The following LIAS variants were observed in gnomAD, a reference collection of about 807,000 sequenced individuals.
LIAS encodes lipoic acid synthetase, also known as lipoyl synthase, mitochondrial.
In LIAS, 36 loss-of-function variants were observed where a neutral mutation model predicts 49.4. That is an observed-to-expected ratio of 0.73 (90% CI 0.56 to 0.96). LIAS has a LOEUF of 0.96. Ranked by LOEUF, LIAS falls within the 40% of genes least tolerant of loss-of-function variation. The probability of loss-of-function intolerance (pLI) is 0.00; values close to 1 mark genes in which losing one functional copy is unlikely to be tolerated. For missense variants in LIAS, 399 were observed against 456.3 expected (o/e 0.87, Z 1.14); for synonymous variants, 145 against 155.8 (o/e 0.93, Z 0.52).
At chr4:39,470,474 T>C (rs1744940260) in intron 8 of LIAS, 2 of 246,220 alleles carry the variant, frequency 8.1e-6, no homozygotes, top group Admixed American at 1.0e-4. Flanking sequence ...CTTTTCTCAT[T>C]CTATCATTGG....
intron 2 of LIAS, 79 bp from the exon 3 acceptor site, chr4:39,462,117 T>C: frequency 1.8e-6 from 1 of 547,674 alleles, no homozygotes; most frequent in Non-Finnish European, 3.2e-6. Flanking sequence ...GGAATTGTAA[T>C]AGAAGAAATT....
intron 6 of LIAS, chr4:39,466,780 T>TGTG (rs1322290936): frequency 2.0e-5 from 3 of 152,188 alleles, no homozygotes; most frequent in African/African-American, 7.2e-5. Context: ...AGGGTGTACA[T>TGTG]GTGGTCTTTT....
At chr4:39,467,764 T>C in intron 7 of LIAS, 118 bp downstream of exon 7, 1 of 1,094,008 alleles carries the variant, frequency 9.1e-7, no homozygotes, top group Non-Finnish European at 1.2e-6. Context: ...CTCTATTCTT[T>C]TTTGTTTTTT....
chr4:39,466,973 T>C (rs1037749294), intron 6 of LIAS: 2 of 152,198 alleles, frequency 1.3e-5, no homozygotes, highest in Non-Finnish European at 2.9e-5. Flanking sequence ...AATGTTTAGC[T>C]CGTACTTCGT....
chr4:39,472,106 TATATACACACACAC>T (rs924334807), intron 9 of LIAS, among the ~76,000 whole-genome samples: 12 of 145,372 alleles, frequency 8.3e-5, no homozygotes, highest in South Asian at 2.2e-4. Flanking sequence ...TGTATATCTG[TATATACACACACAC>T]ATATACACAC....
At chr4:39,463,662 G>A (rs776016726) in intron 4 of LIAS, 57 bp downstream of exon 4, 38 of 1,542,368 alleles carry the variant, frequency 2.5e-5, no homozygotes, top group Admixed American at 4.0e-5. Context: ...GGACTATTTT[G>A]TGTCTTCCTC....
chr4:39,468,391 G>A (rs953287821), intron 7 of LIAS: 1 of 151,236 alleles, frequency 6.6e-6, no homozygotes, highest in Admixed American at 6.6e-5. Flanking sequence ...AGCAGGAGAA[G>A]AATCACTTGA....
chr4:39,469,054 AT>A (rs1401500238), intron 7 of LIAS: 1 of 152,186 alleles, frequency 6.6e-6, no homozygotes, highest in Non-Finnish European at 1.5e-5. Context: ...AAAAATGAAC[AT>A]TTTAAGCTTC....
rs758801882 is a variant in LIAS, at chr4:39,467,684, G to A, written c.737+38G>A. 9 of 1,457,256 alleles carry A rather than the reference G, an allele frequency of 6.2e-6. No homozygotes were observed. The East Asian group carries it at 7.6e-5, about 12-fold the overall frequency. The allele number at this position is 1,457,256 out of a possible 1,614,324, so 90.3% of individuals were successfully genotyped here. On this transcript the variant is annotated intron_variant, in intron 7 of 10. Transcript: ENST00000640888. ...ACAAAGTAATGTTGGGAAGTTAGGC[G>A]GGTCAAAATATGCCATATATTCTTG...
chr4:39,468,347 A>G (rs1320706027), intron 7 of LIAS: 5 of 151,670 alleles, frequency 3.3e-5, no homozygotes, highest in African/African-American at 1.2e-4. Flanking sequence ...GCGTGGTGGC[A>G]CATGCCTGTA....
rs35086467 is a variant in LIAS, at chr4:39,465,159, A to G, written c.507A>G (p.Glu169=). 0.082 allele frequency: 132,538 copies of G among 1,614,172 alleles called. 6,308 individuals carry two copies. Among genetic ancestry groups the G allele is most frequent in the Non-Finnish European group, 0.095 (112,654 of 1,179,992 alleles). ...EPYNTAKAIA[E]WGLDYVVLTS... ...ACAATACTGCAAAGGCAATTGCAGAATGGGGTCTGGATTATGTTGTCCTGA... is the reference window on the plus strand; with the variant it reads ...ACAATACTGCAAAGGCAATTGCAGAGTGGGGTCTGGATTATGTTGTCCTGA... Residue 169 remains glutamate (E), a synonymous_variant, in exon 5 of 11, where the codon GAA becomes GAG. Coordinates refer to ENST00000640888, the MANE Select transcript of LIAS (RefSeq NM_006859.4).
intron 2 of LIAS, among the ~76,000 whole-genome samples, chr4:39,461,755 C>G (rs1428027605): frequency 6.6e-6 from 1 of 152,166 alleles, no homozygotes; most frequent in East Asian, 1.9e-4. Context: ...AGTGCAGTGG[C>G]ACAATCTTGG....
In LIAS at chr4:39,465,200, A is replaced by C; in HGVS notation, c.548A>C (p.Asp183Ala). The C allele has an allele frequency of 6.2e-7, 1 of 1,613,572 alleles. No homozygotes were observed. The highest frequency in any genetic ancestry group is 8.5e-7 in the Non-Finnish European group (1 of 1,179,580). ...GTTGTCCTGACATCTGTGGATCGAG[A>C]TGGTTAGTGTGTCATCATGGCCTCT... ...DYVVLTSVDR[D>A]DMPDGGAEHI... Residue 183 changes from aspartate (D) to alanine (A), a missense_variant and splice_region_variant, in exon 5 of 11, where the codon GAT (aspartate) becomes GCT (alanine). Asp to Ala is a moderately radical substitution (Grantham distance 126, BLOSUM62 -2). Around this residue, in one of 3 missense-constraint regions of LIAS, gnomAD observed 234 missense variants for 292.2 expected, o/e 0.80. Transcript: ENST00000640888.
chr4:39,465,030 A>C lies in LIAS; in HGVS notation c.394-16A>C, dbSNP rs1191599483. Reference sequence around the variant, plus strand: ...CATCTGTCTATTTCATTTAAATTGTAACATTTCTATTCTAGTTGATGGGTG... The same window carrying C: ...CATCTGTCTATTTCATTTAAATTGTCACATTTCTATTCTAGTTGATGGGTG... On this transcript the variant is annotated splice_polypyrimidine_tract_variant and intron_variant, in intron 4 of 10. Transcript: ENST00000640888. 6.2e-7 allele frequency: 1 copy of C among 1,601,530 alleles called. No homozygotes were observed.
At position 39,465,361 on chromosome 4, in the gene LIAS, G is replaced by A; in HGVS notation, c.608+19G>A. On this transcript the variant is annotated intron_variant, in intron 6 of 10. Transcript: ENST00000640888. The stretch of plus-strand genomic sequence containing the variant: ...AGGAAAGGTACTTATTTTTGCATTT[G>A]TGTAATTTAAGGACCTTTTTGGACC... The A allele has an allele frequency of 6.2e-7, 1 of 1,601,012 alleles. No homozygotes were observed. The highest frequency in any genetic ancestry group is 1.1e-5 in the South Asian group (1 of 88,502).
Position 39,459,134 on chromosome 4 carries a change from G to T in LIAS, c.17G>T (p.Gly6Val). 1 of 1,613,960 alleles carries T rather than the reference G, an allele frequency of 6.2e-7. No homozygotes were observed. Among genetic ancestry groups the T allele is most frequent in the South Asian group, 1.1e-5 (1 of 91,090 alleles). The change falls in exon 1 of 11, where the codon GGG becomes GTG. Residue 6 changes from glycine to valine, a missense_variant. Physicochemically the swap from Gly to Val is moderately radical, Grantham distance 109. Coordinates refer to ENST00000640888, the MANE Select transcript of LIAS (RefSeq NM_006859.4). Reference sequence around the variant, plus strand: ...AAAGAGGAAATGTCTCTACGCTGCGGGGATGCAGCCCGCACCCTGGGGCCC... The same window carrying T: ...AAAGAGGAAATGTCTCTACGCTGCGTGGATGCAGCCCGCACCCTGGGGCCC... MSLRC[G>V]DAARTLGPRV...
At chr4:39,468,501 AAAT>A (rs1198460567) in intron 7 of LIAS, 79 of 125,956 alleles carry the variant, frequency 6.3e-4, no homozygotes, top group Non-Finnish European at 1.2e-3. Flanking sequence ...AGGAAAAAAA[AAAT>A]ATATATATAT....
At chr4:39,459,306 T>C in intron 1 of LIAS, 144 bp downstream of exon 1, 1 of 688,440 alleles carries the variant, frequency 1.5e-6, no homozygotes, top group Non-Finnish European at 2.4e-6. Context: ...TCGTGTAATC[T>C]CATGTAATTA....
chr4:39,473,077 C>A, intron 9 of LIAS, 23 bp from the exon 10 acceptor site: 1 of 1,337,552 alleles, frequency 7.5e-7, no homozygotes, highest in South Asian at 1.2e-5. Context: ...AAAATCTGAT[C>A]AGAAGTAATT....
Sources: allele counts gnomAD v4.1 joint callset (sites outside exome capture counted in the v4.1 genomes callset), GRCh38; gene constraint gnomAD v4.1.1; regional missense constraint gnomAD v4.1.1; transcripts MANE v1.5; gene names NCBI Gene and HGNC (gene_info 2026-07-23, HGNC 2026-07-21).